THSD7A: variants seen among roughly 807,000 people sequenced by gnomAD.
The protein encoded by THSD7A is thrombospondin type 1 domain containing 7A, also known as thrombospondin type-1 domain-containing protein 7A.
THSD7A carries 96 observed loss-of-function variants against 231.3 expected under a neutral mutation model. The ratio of observed to expected loss-of-function variants is 0.41; its 90% CI spans 0.35 to 0.49. The LOEUF (loss-of-function observed/expected upper bound fraction) is 0.49. Among genes scored for constraint, THSD7A ranks in the 20% least tolerant of loss-of-function variants. The pLI is 0.05. For missense variants in THSD7A, 2,290 were observed against 2,070.2 expected, an observed-to-expected ratio of 1.11 and a Z score of -2.06; for synonymous variants, 940 against 743.3, an observed-to-expected ratio of 1.26 and a Z score of -4.30.
chr7:11,759,894 T>A (rs1449899807), intron 1 of THSD7A, among the ~76,000 whole-genome samples: 1 of 152,078 alleles, frequency 6.6e-6, no homozygotes, highest in Non-Finnish European at 1.5e-5. Flanking sequence ...ATAGAGAAGT[T>A]AGTGACCTAA....
intron 1 of THSD7A, among the ~76,000 whole-genome samples, chr7:11,657,338 G>C (rs1782748081): frequency 6.6e-6 from 1 of 151,710 alleles, no homozygotes; most frequent in Non-Finnish European, 1.5e-5. Context: ...TGAAGGTAGA[G>C]AATTCCAGGA....
rs1333672812 is a variant in THSD7A, at chr7:11,406,849, T to G, written c.4062+61A>C. 6.4e-7 allele frequency: 1 copy of G among 1,558,618 alleles called. No homozygotes were observed. The highest frequency in any genetic ancestry group is 1.4e-5 in the African/African-American group (1 of 72,910). On this transcript the variant is annotated intron_variant, in intron 21 of 27. Transcript: ENST00000423059. This position sits in a 1 kb window ranked among gnomAD's most constrained non-coding sequence, Gnocchi z 4.7. Reference sequence around the variant, plus strand: ...CTAACACATTATTTTTATGTTTTTCTGCAGATGAAGTCTCTGCAGATAGAG... The same window carrying G: ...CTAACACATTATTTTTATGTTTTTCGGCAGATGAAGTCTCTGCAGATAGAG...
chr7:11,600,525 G>T (rs1205595852), intron 2 of THSD7A, among the ~76,000 whole-genome samples: 6 of 152,086 alleles, frequency 3.9e-5, no homozygotes, highest in African/African-American at 1.4e-4. Context: ...TGAAGATGAT[G>T]GTATGGACGT....
intron 1 of THSD7A, among the ~76,000 whole-genome samples, chr7:11,747,135 A>G (rs542219663): frequency 6.6e-6 from 1 of 152,120 alleles, no homozygotes; most frequent in East Asian, 1.9e-4. Flanking sequence ...GGTTGCACTT[A>G]AAAGTGAGAA....
chr7:11,787,030 A>C (rs2128176622), intron 1 of THSD7A, among the ~76,000 whole-genome samples: 1 of 152,262 alleles, frequency 6.6e-6, no homozygotes, highest in South Asian at 2.1e-4. Flanking sequence ...AGAAAATGTT[A>C]GCTTTCTGGA....
At chr7:11,397,063 C>T (rs1783214668) in intron 23 of THSD7A, among the ~76,000 whole-genome samples, 1 of 152,142 alleles carries the variant, frequency 6.6e-6, no homozygotes, top group Admixed American at 6.5e-5. Context: ...CAGAAGAGGC[C>T]TTTGACAAAA....
chr7:11,533,828 T>C lies in THSD7A; in HGVS notation c.1822+7591A>G, dbSNP rs552145455. 7.9e-5 allele frequency among the ~76,000 whole-genome samples: 12 copies of C among 152,278 alleles called. No individual in the cohort carries two copies. In the South Asian group the frequency reaches 2.5e-3, roughly 32 times the overall value. ...GGTTGACAAGTGCAGCAAACCACCA[T>C]GGCACATGTATACTTATGTAACAAA... On this transcript the variant is annotated intron_variant, in intron 6 of 27. Coordinates refer to ENST00000423059, the MANE Select transcript of THSD7A (RefSeq NM_015204.3).
intron 6 of THSD7A, among the ~76,000 whole-genome samples, chr7:11,513,365 A>C (rs552480604): frequency 0.016 from 2,361 of 152,142 alleles, 35 homozygotes; most frequent in Non-Finnish European, 0.025. Flanking sequence ...AATAAAAAAA[A>C]CCAAAAAACA....
chr7:11,591,655 T>C (rs1780170704), intron 3 of THSD7A, among the ~76,000 whole-genome samples: 1 of 152,158 alleles, frequency 6.6e-6, no homozygotes, highest in African/African-American at 2.4e-5. Flanking sequence ...ATTTTATAAG[T>C]GGGGATTTGT....
At chr7:11,729,129 C>T (rs183936998) in intron 1 of THSD7A, among the ~76,000 whole-genome samples, 1 of 151,698 alleles carries the variant, frequency 6.6e-6, no homozygotes, top group African/African-American at 2.4e-5. Flanking sequence ...GAGGAAGTTA[C>T]ACAGACAACG....
At chr7:11,722,160 A>T (rs950573136) in intron 1 of THSD7A, among the ~76,000 whole-genome samples, 2 of 151,832 alleles carry the variant, frequency 1.3e-5, no homozygotes, top group African/African-American at 4.8e-5. Context: ...TAACCATAGG[A>T]GGAATTTAGT....
chr7:11,391,697 C>T (rs1782988658), intron 23 of THSD7A, among the ~76,000 whole-genome samples: 1 of 152,164 alleles, frequency 6.6e-6, no homozygotes, highest in Non-Finnish European at 1.5e-5. Context: ...GGTGTCTTCC[C>T]AAATTGCCAC....
At chr7:11,457,579 T>A (rs1259805164) in intron 11 of THSD7A, among the ~76,000 whole-genome samples, 2 of 152,096 alleles carry the variant, frequency 1.3e-5, no homozygotes, top group Non-Finnish European at 1.5e-5. Context: ...ATCTTTCTAA[T>A]TTATTCTGTA....
At chr7:11,643,758 G>C (rs917908895) in intron 1 of THSD7A, among the ~76,000 whole-genome samples, 20 of 151,944 alleles carry the variant, frequency 1.3e-4, no homozygotes, top group Non-Finnish European at 1.6e-4. Context: ...ATCGCTGGAT[G>C]TTTAGGTCTT....
chr7:11,469,349 A>C (rs1785842351), intron 9 of THSD7A, among the ~76,000 whole-genome samples: 1 of 152,182 alleles, frequency 6.6e-6, no homozygotes, highest in Admixed American at 6.5e-5. Context: ...GTAAGTAATA[A>C]AAGCAAAACT....
At chr7:11,465,912 A>T (rs1179697593) in intron 9 of THSD7A, among the ~76,000 whole-genome samples, 1 of 152,160 alleles carries the variant, frequency 6.6e-6, no homozygotes, top group Non-Finnish European at 1.5e-5. Context: ...CCCTCTGTCA[A>T]AATTTACAAA....
intron 13 of THSD7A, among the ~76,000 whole-genome samples, chr7:11,437,038 A>AATT (rs2128292248): frequency 6.6e-6 from 1 of 152,200 alleles, no homozygotes; most frequent in African/African-American, 2.4e-5. Flanking sequence ...TTGGCAGTTA[A>AATT]ATTTATTTTA....
chr7:11,671,419 T>C (rs1283489235), intron 1 of THSD7A, among the ~76,000 whole-genome samples: 1 of 152,204 alleles, frequency 6.6e-6, no homozygotes, highest in African/African-American at 2.4e-5. Context: ...AGCAGTTAAA[T>C]GATTTTATAG....
At chr7:11,613,730 C>T (rs1258176234) in intron 2 of THSD7A, among the ~76,000 whole-genome samples, 2 of 152,228 alleles carry the variant, frequency 1.3e-5, no homozygotes, top group Non-Finnish European at 2.9e-5. Context: ...CAGCGCCACA[C>T]TCTGGGTGAA....
Sources: gnomAD v4.1 joint callset for allele counts (sites outside exome capture counted in the v4.1 genomes callset) on GRCh38, gnomAD v4.1.1 for gene constraint, Gnocchi (gnomAD v3.1) non-coding constraint, MANE v1.5 for transcripts, NCBI Gene and HGNC (gene_info 2026-07-23, HGNC 2026-07-21) for gene names.